REDIC1: variants seen among roughly 807,000 people sequenced by gnomAD.
REDIC1 encodes regulator of DNA class I crossover intermediates 1, also known as HEI10 Interacting Protein 1.
At chr12:39,891,850 T>G in the REDIC1 span, among the ~76,000 whole-genome samples, 1 of 152,208 alleles carries the variant, frequency 6.6e-6, no homozygotes, top group African/African-American at 2.4e-5. Context: ...CTATCTTTAC[T>G]GTGAAATAAC....
chr12:39,849,513 G>C, the REDIC1 span, among the ~76,000 whole-genome samples: 2 of 152,146 alleles, frequency 1.3e-5, no homozygotes, highest in South Asian at 2.1e-4. Context: ...GCTGTTTATT[G>C]AGGTGCTCAT....
the REDIC1 span, among the ~76,000 whole-genome samples, chr12:39,828,704 G>C: frequency 9.9e-6 from 1 of 100,964 alleles, no homozygotes; most frequent in Non-Finnish European, 1.9e-5. Context: ...TAGACTAGTA[G>C]TAACTTAGTT....
At chr12:39,783,379 T>C in the REDIC1 span, among the ~76,000 whole-genome samples, 1 of 152,250 alleles carries the variant, frequency 6.6e-6, no homozygotes. Flanking sequence ...TCTTTGGGTA[T>C]ATACCCAGCA....
chr12:39,824,493 C>T, the REDIC1 span, among the ~76,000 whole-genome samples: 1 of 152,168 alleles, frequency 6.6e-6, no homozygotes, highest in Non-Finnish European at 1.5e-5. Flanking sequence ...TACCTGTGTT[C>T]AATCGGAGTC....
At chr12:39,642,973 G>A in the REDIC1 span, among the ~76,000 whole-genome samples, 1 of 151,658 alleles carries the variant, frequency 6.6e-6, no homozygotes, top group Non-Finnish European at 1.5e-5. Flanking sequence ...TTCAAATTAT[G>A]ACCTCTTGCA....
the REDIC1 span, among the ~76,000 whole-genome samples, chr12:39,895,721 T>A: frequency 7.3e-6 from 1 of 136,742 alleles, no homozygotes; most frequent in Non-Finnish European, 1.6e-5. Flanking sequence ...CACATATGTA[T>A]ATGCGTGTAT....
At chr12:39,815,479 A>G in the REDIC1 span, among the ~76,000 whole-genome samples, 1 of 152,180 alleles carries the variant, frequency 6.6e-6, no homozygotes, top group Non-Finnish European at 1.5e-5. Context: ...CTTTTCACCT[A>G]TTACTATCCT....
the REDIC1 span, among the ~76,000 whole-genome samples, chr12:39,751,590 G>T: frequency 2.0e-5 from 3 of 152,168 alleles, no homozygotes; most frequent in African/African-American, 7.2e-5. Flanking sequence ...TTGCTATAAA[G>T]ACACATGGAC....
At chr12:39,760,259 C>T in the REDIC1 span, 122 of 1,603,732 alleles carry the variant, frequency 7.6e-5, no homozygotes, top group Middle Eastern at 1.7e-4. Flanking sequence ...GCTCCTGCAA[C>T]GGAATATAAT....
the REDIC1 span, among the ~76,000 whole-genome samples, chr12:39,655,773 A>C: frequency 3.3e-5 from 5 of 152,298 alleles, no homozygotes; most frequent in Non-Finnish European, 5.9e-5. Context: ...TCCAGGCTAT[A>C]ACTGTATGGA....
chr12:39,648,927 T>C, the REDIC1 span, among the ~76,000 whole-genome samples: 1 of 151,798 alleles, frequency 6.6e-6, no homozygotes, highest in Non-Finnish European at 1.5e-5. Context: ...CTGTGACCCA[T>C]GCTAGCCTTG....
At chr12:39,825,668 AC>A in the REDIC1 span, among the ~76,000 whole-genome samples, 1 of 152,178 alleles carries the variant, frequency 6.6e-6, no homozygotes, top group Non-Finnish European at 1.5e-5. Flanking sequence ...CCATTATTAT[AC>A]ATCTTTTTTA....
chr12:39,739,798 T>TG, the REDIC1 span, among the ~76,000 whole-genome samples: 1 of 152,214 alleles, frequency 6.6e-6, no homozygotes, highest in Non-Finnish European at 1.5e-5. Flanking sequence ...TGCCATCTGT[T>TG]TCTCTACCTC....
At chr12:39,891,479 G>T in the REDIC1 span, among the ~76,000 whole-genome samples, 143 of 152,146 alleles carry the variant, frequency 9.4e-4, no homozygotes, top group South Asian at 5.0e-3. Context: ...TTTATCTTAA[G>T]AAAGCATATG....
At chr12:39,718,704 A>G in the REDIC1 span, among the ~76,000 whole-genome samples, 2 of 151,934 alleles carry the variant, frequency 1.3e-5, no homozygotes, top group African/African-American at 4.8e-5. Flanking sequence ...TTTTGTCTCC[A>G]TTAAAAACTT....
At chr12:39,856,050 A>C in the REDIC1 span, among the ~76,000 whole-genome samples, 12 of 152,208 alleles carry the variant, frequency 7.9e-5, no homozygotes, top group Non-Finnish European at 1.5e-4. Flanking sequence ...CATGAGTAGA[A>C]GTAAACTTTG....
chr12:39,644,375 A>G, the REDIC1 span, among the ~76,000 whole-genome samples: 3 of 151,820 alleles, frequency 2.0e-5, no homozygotes, highest in Non-Finnish European at 4.4e-5. Flanking sequence ...TGGGATGTTA[A>G]TCATAGAAGT....
the REDIC1 span, among the ~76,000 whole-genome samples, chr12:39,847,156 G>A: frequency 1.3e-5 from 2 of 152,126 alleles, no homozygotes; most frequent in African/African-American, 4.8e-5. Context: ...CGTGAAAGTA[G>A]GTGAATCCCT....
At chr12:39,733,904 G>T in the REDIC1 span, among the ~76,000 whole-genome samples, 65 of 152,266 alleles carry the variant, frequency 4.3e-4, no homozygotes, top group Admixed American at 2.6e-3. Flanking sequence ...CTTTCCAGGG[G>T]AATGAACAGT....
Sources: allele counts gnomAD v4.1 joint callset (sites outside exome capture counted in the v4.1 genomes callset), GRCh38; gene constraint gnomAD v4.1.1; transcripts MANE v1.5; gene names NCBI Gene and HGNC (gene_info 2026-07-23, HGNC 2026-07-21).